Variants in TRDN observed in about 807,000 individuals in gnomAD.
TRDN encodes the protein triadin.
A neutral mutation model predicts 149.7 loss-of-function variants in TRDN; 161 were observed. That is an observed-to-expected ratio of 1.08 (90% CI 0.95 to 1.23). The LOEUF (loss-of-function observed/expected upper bound fraction) is 1.23. Among genes scored for constraint, TRDN ranks in the 50% most tolerant of loss-of-function variants. The probability of loss-of-function intolerance (pLI) is 0.00; values close to 1 mark genes in which losing one functional copy is unlikely to be tolerated. For synonymous variants in TRDN, 294 were observed against 250.5 expected (o/e 1.17, Z -1.64); for missense variants, 896 against 823.5 (o/e 1.09, Z -1.08).
intron 23 of TRDN, among the ~76,000 whole-genome samples, chr6:123,319,606 G>A (rs1443700233): frequency 6.6e-6 from 1 of 152,048 alleles, no homozygotes; most frequent in African/African-American, 2.4e-5. Flanking sequence ...GACAGCAGGC[G>A]AGCATTTATT....
chr6:123,606,796 G>A (rs971374432), intron 1 of TRDN, among the ~76,000 whole-genome samples: 1 of 152,040 alleles, frequency 6.6e-6, no homozygotes, highest in Admixed American at 6.6e-5. Flanking sequence ...ATAAATTATG[G>A]GTTAGATGTG....
chr6:123,503,722 T>C lies in TRDN; in HGVS notation c.790A>G (p.Lys264Glu), dbSNP rs574484615. The C allele has an allele frequency of 6.2e-7, 1 of 1,613,752 alleles. No homozygotes were observed. Among genetic ancestry groups the C allele is most frequent in the African/African-American group, 1.3e-5 (1 of 75,036 alleles). Reference sequence around the variant, plus strand: ...GCCTCCTGCTCTGAATGTTTACCTTTCTGTTCATGCTTTGACACAGCTGCT... The same window carrying C: ...GCCTCCTGCTCTGAATGTTTACCTTCCTGTTCATGCTTTGACACAGCTGCT... ...EKAAVSKHEQ[K>E]DQYAFCRYMI... Residue 264 changes from lysine to glutamate, a missense_variant, in exon 8 of 41, where the codon AAA becomes GAA. Lys to Glu is a moderately conservative substitution (Grantham distance 56, BLOSUM62 1). Transcript: ENST00000334268.
intron 1 of TRDN, among the ~76,000 whole-genome samples, chr6:123,610,959 C>T: frequency 6.6e-6 from 1 of 152,114 alleles, no homozygotes; most frequent in East Asian, 1.9e-4. Context: ...ACTCCTGACA[C>T]AGAGAAACTG....
chr6:123,611,622 C>T (rs1784812931), intron 1 of TRDN, among the ~76,000 whole-genome samples: 1 of 152,018 alleles, frequency 6.6e-6, no homozygotes, highest in Admixed American at 6.6e-5. Context: ...TCATTGTAAT[C>T]GTTCTATCAT....
At chr6:123,511,914 A>T (rs1435214410) in intron 7 of TRDN, among the ~76,000 whole-genome samples, 1 of 152,006 alleles carries the variant, frequency 6.6e-6, no homozygotes, top group African/African-American at 2.4e-5. Context: ...TTAAAGACTC[A>T]TGATATTACA....
intron 1 of TRDN, among the ~76,000 whole-genome samples, chr6:123,574,410 T>C (rs946298988): frequency 3.9e-5 from 6 of 151,984 alleles, no homozygotes; most frequent in African/African-American, 1.2e-4. Flanking sequence ...TATCTTCTCA[T>C]TGATTATTGT....
In TRDN at chr6:123,555,947, G is replaced by T. The variant is rs569185126; in HGVS notation, c.233-7335C>A. Among the ~76,000 whole-genome samples, 5 of 152,190 alleles carry T rather than the reference G, an allele frequency of 3.3e-5. No homozygotes were observed. The East Asian group carries it at 9.6e-4, about 29-fold the overall frequency. ...AGAGTATTTCAAGGATCCTCACATG[G>T]ACAGAAATGTGGAATAAAAGCTATG... On this transcript the variant is annotated intron_variant, in intron 2 of 40. Transcript: ENST00000334268.
At chr6:123,565,933 T>C (rs2114517862) in intron 2 of TRDN, among the ~76,000 whole-genome samples, 1 of 152,386 alleles carries the variant, frequency 6.6e-6, no homozygotes, top group Admixed American at 6.5e-5. Context: ...CCTCCCATTC[T>C]ATCCATCTTC....
intron 9 of TRDN, among the ~76,000 whole-genome samples, chr6:123,491,786 A>T (rs1050122762): frequency 3.9e-5 from 6 of 152,224 alleles, no homozygotes; most frequent in African/African-American, 1.4e-4. Context: ...AAATAATTAA[A>T]TGATTGGAAT....
chr6:123,523,935 A>T (rs1779812786), intron 5 of TRDN, among the ~76,000 whole-genome samples: 1 of 152,204 alleles, frequency 6.6e-6, no homozygotes, highest in South Asian at 2.1e-4. Flanking sequence ...AAAAGAAACC[A>T]CTGTGGGATA....
intron 38 of TRDN, among the ~76,000 whole-genome samples, chr6:123,244,961 AT>A (rs1336764857): frequency 2.6e-5 from 4 of 152,166 alleles, no homozygotes; most frequent in Non-Finnish European, 4.4e-5. Context: ...AAAGAAAACA[AT>A]TTTCAACCCA....
At chr6:123,273,160 A>G in intron 28 of TRDN, 149 bp from the exon 29 acceptor site, 1 of 752,360 alleles carries the variant, frequency 1.3e-6, no homozygotes, top group Non-Finnish European at 2.0e-6. Context: ...GTTTTAGTTC[A>G]TGAAAACAAT....
At chr6:123,464,402 A>G (rs1583079956) in intron 10 of TRDN, 2 of 969,494 alleles carry the variant, frequency 2.1e-6, no homozygotes, top group Non-Finnish European at 2.5e-6. Flanking sequence ...GTGTGTGTAT[A>G]TATATATTTC....
intron 1 of TRDN, among the ~76,000 whole-genome samples, chr6:123,630,673 A>G (rs1156526224): frequency 2.0e-5 from 3 of 151,940 alleles, no homozygotes; most frequent in African/African-American, 7.2e-5. Context: ...GGGTGGGGAG[A>G]AAAATAGTTC....
At chr6:123,342,438 T>C (rs143389927) in intron 21 of TRDN, among the ~76,000 whole-genome samples, 1 of 151,864 alleles carries the variant, frequency 6.6e-6, no homozygotes, top group Admixed American at 6.6e-5. Context: ...CATGTTTAAA[T>C]TAAGATAATA....
chr6:123,293,083 A>T (rs1778070632), intron 24 of TRDN, among the ~76,000 whole-genome samples: 1 of 152,152 alleles, frequency 6.6e-6, no homozygotes, highest in African/African-American at 2.4e-5. Context: ...TTATTGCATC[A>T]GGAAATCATC....
intron 1 of TRDN, among the ~76,000 whole-genome samples, chr6:123,623,234 T>C (rs1283322136): frequency 1.3e-5 from 2 of 152,084 alleles, no homozygotes; most frequent in Non-Finnish European, 2.9e-5. Context: ...AAATAACTGA[T>C]TGGAGAAGCA....
At chr6:123,238,193 C>CA (rs559187518) in intron 38 of TRDN, among the ~76,000 whole-genome samples, 184 of 152,148 alleles carry the variant, frequency 1.2e-3, no homozygotes, top group African/African-American at 4.3e-3. Flanking sequence ...GTCAAAAATG[C>CA]AAAAGAAATG....
Position 123,267,719 on chromosome 6 carries a change from A to T in TRDN, c.1771T>A (p.Ser591Thr). ...KAEHREREPP[S>T]IKTDKPKPTP... ...AATGGTAAAATACCTGTTTTTATAG[A>T]TGGAGGTTCTCTTTCTCGATGTTCA... is the stretch of plus-strand genomic sequence containing the variant. Residue 591 changes from serine (S) to threonine (T), a missense_variant, in exon 32 of 41, where the codon TCT becomes ACT. Ser to Thr is a moderately conservative substitution (Grantham distance 58, BLOSUM62 1). Coordinates refer to ENST00000334268, the MANE Select transcript of TRDN (RefSeq NM_006073.4). The T allele has an allele frequency of 6.3e-7, 1 of 1,581,178 alleles. No homozygotes were observed. Among genetic ancestry groups the T allele is most frequent in the Non-Finnish European group, 8.6e-7 (1 of 1,162,822 alleles).
Sources: allele counts gnomAD v4.1 joint callset (sites outside exome capture counted in the v4.1 genomes callset), GRCh38; gene constraint gnomAD v4.1.1; transcripts MANE v1.5; gene names NCBI Gene and HGNC (gene_info 2026-07-23, HGNC 2026-07-21).